The following CEP112 variants were observed in gnomAD, a reference collection of about 807,000 sequenced individuals.
The protein encoded by CEP112 is centrosomal protein of 112 kDa.
CEP112 carries 127 observed loss-of-function variants against 153.0 expected under a neutral mutation model. The ratio of observed to expected loss-of-function variants is 0.83; its 90% CI spans 0.72 to 0.96. The LOEUF (loss-of-function observed/expected upper bound fraction) is 0.96, where lower values mean the gene tolerates loss of function less well. Among genes scored for constraint, CEP112 ranks in the 40% least tolerant of loss-of-function variants. The pLI, the probability that CEP112 is intolerant of heterozygous loss-of-function variation, is 0.00. For synonymous variants in CEP112, 358 were observed against 374.4 expected (o/e 0.96, Z 0.51); for missense variants, 1,089 against 1,101.2 (o/e 0.99, Z 0.16).
rs573423875 is a variant in CEP112 at position 66,065,958 on chromosome 17, C to T, written c.955+820G>A. ...ATCTATCTCTTAATGCATGGGGTAT[C>T]CATTCTAGCTAAATAGTTGAGAAGT... On this transcript the variant is annotated intron_variant, in intron 10 of 26. Coordinates refer to ENST00000535342, the MANE Select transcript of CEP112 (RefSeq NM_001199165.4). Among the ~76,000 whole-genome samples, 7 of 152,244 alleles carry T rather than the reference C, an allele frequency of 4.6e-5. No homozygotes were observed. In the East Asian group the frequency reaches 1.2e-3, roughly 25 times the overall value.
intron 21 of CEP112, among the ~76,000 whole-genome samples, chr17:65,755,206 C>T (rs2052176226): frequency 6.6e-6 from 1 of 152,114 alleles, no homozygotes; most frequent in African/African-American, 2.4e-5. Flanking sequence ...GTACGGGAAG[C>T]ATGGCTGGGG....
At chr17:65,833,743 A>G (rs796414429) in intron 21 of CEP112, among the ~76,000 whole-genome samples, 86 of 152,346 alleles carry the variant, frequency 5.6e-4, no homozygotes, top group African/African-American at 2.0e-3. Context: ...TCCCATGCTC[A>G]TGGATTGGAA....
chr17:65,724,184 G>A (rs1461384752), intron 23 of CEP112, among the ~76,000 whole-genome samples: 1 of 152,140 alleles, frequency 6.6e-6, no homozygotes, highest in East Asian at 1.9e-4. Flanking sequence ...TACTACTGCT[G>A]CTATTATAGC....
intron 21 of CEP112, among the ~76,000 whole-genome samples, chr17:65,777,509 T>G (rs1178151794): frequency 6.6e-6 from 1 of 152,132 alleles, no homozygotes; most frequent in Non-Finnish European, 1.5e-5. Context: ...TCTAAGTACT[T>G]TGAGGGTAGG....
At chr17:65,699,738 C>T (rs232143) in intron 23 of CEP112, among the ~76,000 whole-genome samples, 16,467 of 152,126 alleles carry the variant, frequency 0.11, 1,049 homozygotes, top group Admixed American at 0.2. Flanking sequence ...AGTCATCTTC[C>T]TACATCAGCC....
chr17:66,051,253 T>G (rs1179407871), intron 12 of CEP112, among the ~76,000 whole-genome samples: 1 of 151,554 alleles, frequency 6.6e-6, no homozygotes, highest in Non-Finnish European at 1.5e-5. Flanking sequence ...TGCTGGGAAC[T>G]TCTTAAACTG....
intron 20 of CEP112, among the ~76,000 whole-genome samples, chr17:65,884,552 A>T (rs1031634662): frequency 1.3e-5 from 2 of 152,128 alleles, no homozygotes; most frequent in African/African-American, 4.8e-5. Flanking sequence ...TCTTCTAAAG[A>T]GGGAAAGACA....
intron 6 of CEP112, among the ~76,000 whole-genome samples, chr17:66,119,294 G>A (rs1010709783): frequency 2.6e-5 from 4 of 152,040 alleles, no homozygotes; most frequent in Non-Finnish European, 4.4e-5. Context: ...CATGGCACAC[G>A]TATATAACAA....
At chr17:66,170,973 G>T (rs1442680339) in intron 4 of CEP112, among the ~76,000 whole-genome samples, 1 of 152,142 alleles carries the variant, frequency 6.6e-6, no homozygotes, top group Non-Finnish European at 1.5e-5. Context: ...TGTTTGGTGT[G>T]AAATGCTAAG....
At chr17:65,644,424 G>A in intron 24 of CEP112, 1 of 497,490 alleles carries the variant, frequency 2.0e-6, no homozygotes, top group South Asian at 1.8e-5. Context: ...TCAAGGCTTA[G>A]CTCGGTTGCA....
chr17:65,754,775 C>T (rs1027000134), intron 21 of CEP112, among the ~76,000 whole-genome samples: 1 of 152,116 alleles, frequency 6.6e-6, no homozygotes. Context: ...AGGAATTCGG[C>T]TTTTAAGATC....
intron 18 of CEP112, among the ~76,000 whole-genome samples, chr17:65,955,342 C>T (rs1301667938): frequency 2.6e-5 from 4 of 152,146 alleles, no homozygotes; most frequent in African/African-American, 9.7e-5. Flanking sequence ...AAAGCCACCA[C>T]TAAATGAACT....
At chr17:66,027,458 T>C (rs762700362) in intron 16 of CEP112, 43 bp downstream of exon 16, 6 of 1,318,090 alleles carry the variant, frequency 4.6e-6, no homozygotes, top group Non-Finnish European at 6.1e-6. Context: ...TAATGCCTCA[T>C]TTGCTATTTT....
chr17:65,704,426 C>T (rs2048808410), intron 23 of CEP112, among the ~76,000 whole-genome samples: 1 of 140,076 alleles, frequency 7.1e-6, no homozygotes, highest in African/African-American at 2.9e-5. Flanking sequence ...AAAATACACA[C>T]ACACACACAC....
At chr17:66,072,559 T>C (rs1019084492) in intron 8 of CEP112, among the ~76,000 whole-genome samples, 23 of 152,326 alleles carry the variant, frequency 1.5e-4, no homozygotes, top group African/African-American at 4.6e-4. Flanking sequence ...ACTAGGTTTA[T>C]GAGATTTTGG....
intron 23 of CEP112, among the ~76,000 whole-genome samples, chr17:65,708,017 T>A (rs1190133078): frequency 6.6e-6 from 1 of 152,208 alleles, no homozygotes; most frequent in Non-Finnish European, 1.5e-5. Context: ...ATCTAAGGCT[T>A]TCCTTTGCTA....
At chr17:66,004,168 G>C (rs1387510381) in intron 17 of CEP112, among the ~76,000 whole-genome samples, 2 of 151,936 alleles carry the variant, frequency 1.3e-5, no homozygotes, top group Non-Finnish European at 2.9e-5. Flanking sequence ...GAAGAATAGA[G>C]AGCATCCTAT....
intron 21 of CEP112, among the ~76,000 whole-genome samples, chr17:65,751,596 C>T (rs1260624332): frequency 1.3e-5 from 2 of 152,140 alleles, no homozygotes; most frequent in Non-Finnish European, 2.9e-5. Flanking sequence ...CTGAGTATGT[C>T]TCTCCCTGCA....
intron 1 of CEP112, among the ~76,000 whole-genome samples, chr17:66,188,464 A>T (rs2073033020): frequency 8.0e-6 from 1 of 125,258 alleles, no homozygotes; most frequent in Non-Finnish European, 1.6e-5. Flanking sequence ...CTCCACCTGG[A>T]GTCAGGTAAA....
Sources: allele counts gnomAD v4.1 joint callset (sites outside exome capture counted in the v4.1 genomes callset), GRCh38; gene constraint gnomAD v4.1.1; transcripts MANE v1.5; gene names NCBI Gene and HGNC (gene_info 2026-07-23, HGNC 2026-07-21).